Variants in MYO9A observed in about 807,000 individuals in gnomAD.
The protein encoded by MYO9A is myosin IXA, also known as unconventional myosin-IXa.
In MYO9A, 103 loss-of-function variants were observed where a neutral mutation model predicts 293.3. The observed-to-expected ratio is 0.35, with a 90% confidence interval of 0.30 to 0.41. The LOEUF (loss-of-function observed/expected upper bound fraction) is 0.41, where lower values mean the gene tolerates loss of function less well. Among genes scored for constraint, MYO9A ranks in the 10% least tolerant of loss-of-function variants. MYO9A has a pLI of 1.00. For synonymous variants in MYO9A, 1,001 were observed against 1,035.7 expected (o/e 0.97, Z 0.64); for missense variants, 2,685 against 3,033.0 (o/e 0.89, Z 2.69).
At chr15:71,986,679 TAGAA>T (rs988538634) in intron 11 of MYO9A, among the ~76,000 whole-genome samples, 6 of 152,214 alleles carry the variant, frequency 3.9e-5, no homozygotes, top group African/African-American at 4.8e-5. Context: ...AAAATTTTAA[TAGAA>T]AGAGGGCTTA....
At chr15:71,948,751 A>C (rs2058979981) in intron 15 of MYO9A, among the ~76,000 whole-genome samples, 1 of 152,068 alleles carries the variant, frequency 6.6e-6, no homozygotes, top group South Asian at 2.1e-4. Context: ...AAATTCCCAG[A>C]CTCTGTTAGT....
intron 19 of MYO9A, among the ~76,000 whole-genome samples, chr15:71,910,919 T>G (rs2057827982): frequency 6.6e-6 from 1 of 152,206 alleles, no homozygotes; most frequent in African/African-American, 2.4e-5. Flanking sequence ...GTTTAAAGTT[T>G]TATTGGAATA....
chr15:71,951,945 G>C (rs761278916), intron 14 of MYO9A, 49 bp from the exon 15 acceptor site: 4 of 1,541,344 alleles, frequency 2.6e-6, no homozygotes, highest in Non-Finnish European at 3.5e-6. Flanking sequence ...AAAAGAAAAA[G>C]ACATTATATA....
At chr15:71,956,350 T>TATATATATATATATATAAAA (rs1475961500) in intron 14 of MYO9A, among the ~76,000 whole-genome samples, 1 of 121,172 alleles carries the variant, frequency 8.3e-6, no homozygotes, top group African/African-American at 3.3e-5. Context: ...TATATATATA[T>TATATATATATATATATAAAA]AAAATACGCC....
chr15:72,034,831 A>T (rs919078090), intron 2 of MYO9A, among the ~76,000 whole-genome samples: 2 of 152,202 alleles, frequency 1.3e-5, no homozygotes, highest in Non-Finnish European at 2.9e-5. Flanking sequence ...GCTACTTTTG[A>T]TTCTGCCCAA....
Position 72,028,874 on chromosome 15 carries a change from C to G in MYO9A, c.936-1081G>C, listed in dbSNP as rs542905711. Among the ~76,000 whole-genome samples the G allele has an allele frequency of 3.9e-5, 6 of 152,192 alleles. No individual in the cohort carries two copies. The East Asian group carries it at 9.6e-4, about 24-fold the overall frequency. On this transcript the variant is annotated intron_variant, in intron 3 of 41. Coordinates refer to ENST00000356056, the MANE Select transcript of MYO9A (RefSeq NM_006901.4). ...TTACTCTATAGTTATTTATTGGGCA[C>G]TATATCAAGCACAAGGAATATGGAA...
At chr15:72,033,731 T>G (rs2077950869) in intron 2 of MYO9A, among the ~76,000 whole-genome samples, 1 of 152,210 alleles carries the variant, frequency 6.6e-6, no homozygotes, top group Non-Finnish European at 1.5e-5. Context: ...ATATATACAT[T>G]TATCAAAATT....
At chr15:71,984,523 A>G (rs1408863967) in intron 11 of MYO9A, among the ~76,000 whole-genome samples, 1 of 152,174 alleles carries the variant, frequency 6.6e-6, no homozygotes, top group Admixed American at 6.5e-5. Flanking sequence ...GTCTTCAAAC[A>G]CGGCTTCTAA....
At chr15:71,829,016 G>A (rs1164042598) in intron 40 of MYO9A, among the ~76,000 whole-genome samples, 1 of 152,122 alleles carries the variant, frequency 6.6e-6, no homozygotes, top group African/African-American at 2.4e-5. Context: ...AGTATCACCA[G>A]CATTACAATT....
intron 39 of MYO9A, among the ~76,000 whole-genome samples, chr15:71,830,591 T>C (rs552548268): frequency 6.6e-6 from 1 of 152,310 alleles, no homozygotes; most frequent in South Asian, 2.1e-4. Flanking sequence ...ATAAGCTGCA[T>C]CCATTCCAAA....
intron 12 of MYO9A, among the ~76,000 whole-genome samples, chr15:71,971,921 G>C (rs2076023001): frequency 6.6e-6 from 1 of 152,016 alleles, no homozygotes; most frequent in African/African-American, 2.4e-5. Context: ...CAGGCCTCAG[G>C]AAACAGAATC....
At chr15:71,854,278 T>G in intron 35 of MYO9A, 99 bp downstream of exon 35, 1 of 983,304 alleles carries the variant, frequency 1.0e-6, no homozygotes, top group Non-Finnish European at 1.4e-6. Flanking sequence ...TTCTTCTGGC[T>G]GCTAAGTAAA....
At chr15:72,007,405 A>G (rs2077047326) in intron 8 of MYO9A, among the ~76,000 whole-genome samples, 1 of 152,082 alleles carries the variant, frequency 6.6e-6, no homozygotes, top group African/African-American at 2.4e-5. Context: ...AAAAAAAAAA[A>G]GTAGTATCCT....
intron 39 of MYO9A, among the ~76,000 whole-genome samples, chr15:71,840,647 T>A (rs2140988018): frequency 6.6e-6 from 1 of 152,344 alleles, no homozygotes; most frequent in East Asian, 1.9e-4. Context: ...TTGTTTTTTT[T>A]GAGACGGAGT....
chr15:71,980,689 T>A (rs2147939094), intron 11 of MYO9A, among the ~76,000 whole-genome samples: 1 of 152,002 alleles, frequency 6.6e-6, no homozygotes, highest in South Asian at 2.1e-4. Context: ...AAGAAAAAAA[T>A]TAGCTGAGCA....
chr15:72,046,550 T>C lies in MYO9A; in HGVS notation c.14A>G (p.Asp5Gly). The change falls in exon 2 of 42, where the codon GAT becomes GGT. Residue 5 changes from aspartate (D) to glycine (G), a missense_variant. Physicochemically the swap from Asp to Gly is moderately conservative, Grantham distance 94. Coordinates refer to ENST00000356056, the MANE Select transcript of MYO9A (RefSeq NM_006901.4). MNIN[D>G]GGRRRFEDNE... ...ATCTTCAAAGCGTCGTCTTCCTCCA[T>C]CATTTATATTCATATTGGATCCTGT... 1 of 1,595,340 alleles carries C rather than the reference T, an allele frequency of 6.3e-7. No homozygotes were observed. The highest frequency in any genetic ancestry group is 8.5e-7 in the Non-Finnish European group (1 of 1,170,128).
intron 8 of MYO9A, among the ~76,000 whole-genome samples, chr15:72,006,388 G>A (rs887793192): frequency 6.6e-6 from 1 of 152,004 alleles, no homozygotes; most frequent in African/African-American, 2.4e-5. Flanking sequence ...GGCATGAGCC[G>A]CCAGACATAA....
chr15:71,881,551 A>G (rs2056873527), intron 28 of MYO9A, among the ~76,000 whole-genome samples: 1 of 152,192 alleles, frequency 6.6e-6, no homozygotes, highest in Non-Finnish European at 1.5e-5. Flanking sequence ...TAATTCTATT[A>G]TACAGCTTAG....
intron 6 of MYO9A, among the ~76,000 whole-genome samples, chr15:72,012,467 C>T (rs2957741): frequency 0.93 from 140,947 of 151,988 alleles, 65,681 homozygotes; most frequent in Non-Finnish European, 0.97. Flanking sequence ...GCTAATTTTC[C>T]TATATTTTTT....
Sources: gnomAD v4.1 joint callset for allele counts (sites outside exome capture counted in the v4.1 genomes callset) on GRCh38, gnomAD v4.1.1 for gene constraint, MANE v1.5 for transcripts, NCBI Gene and HGNC (gene_info 2026-07-23, HGNC 2026-07-21) for gene names.